The following HYDIN variants were observed in gnomAD, a reference collection of about 807,000 sequenced individuals.
HYDIN encodes HYDIN axonemal central pair apparatus protein, also known as axonemal central pair apparatus protein HYDIN.
In HYDIN, 132 loss-of-function variants were observed where a neutral mutation model predicts 403.9. The observed-to-expected ratio is 0.33, with a 90% CI of 0.28 to 0.38. The LOEUF (loss-of-function observed/expected upper bound fraction) is 0.38, where lower values mean the gene tolerates loss of function less well. Among genes scored for constraint, HYDIN ranks in the 10% least tolerant of loss-of-function variants. HYDIN has a pLI of 1.00. For missense variants in HYDIN, 2,827 were observed against 5,009.5 expected, an observed-to-expected ratio of 0.56 and a Z score of 13.15; for synonymous variants, 1,202 against 1,891.7, an observed-to-expected ratio of 0.64 and a Z score of 9.46.
intron 64 of HYDIN, among the ~76,000 whole-genome samples, chr16:70,872,941 C>T (rs2040230471): frequency 7.9e-6 from 1 of 125,826 alleles, no homozygotes; most frequent in African/African-American, 3.2e-5. Flanking sequence ...TACCCACTCA[C>T]CTATCTACCC....
At position 70,992,229 on chromosome 16, in the gene HYDIN, G is replaced by A. The variant is rs1237307916; in HGVS notation, c.3645-19C>T. 3 of 1,527,762 alleles carry A rather than the reference G, an allele frequency of 2.0e-6. No homozygotes were observed. Among genetic ancestry groups the A allele is most frequent in the Non-Finnish European group, 2.6e-6 (3 of 1,139,474 alleles). The allele number at this position is 1,527,762 out of a possible 1,614,324, so 94.6% of individuals were successfully genotyped here. On this transcript the variant is annotated intron_variant, in intron 23 of 85. Transcript: ENST00000393567. Reference sequence around the variant, plus strand: ...CACAAACCTACCAAAGCATGGGACAGGGAATAGGGGGAGACAGGAGACATC... The same window carrying A: ...CACAAACCTACCAAAGCATGGGACAAGGAATAGGGGGAGACAGGAGACATC...
At chr16:71,008,480 C>T (rs2144092935) in intron 23 of HYDIN, among the ~76,000 whole-genome samples, 1 of 152,294 alleles carries the variant, frequency 6.6e-6, no homozygotes, top group South Asian at 2.1e-4. Flanking sequence ...AAGATTACGG[C>T]AGCTTCCTTT....
intron 1 of HYDIN, among the ~76,000 whole-genome samples, chr16:71,211,044 C>A (rs539511004): frequency 6.6e-6 from 1 of 152,140 alleles, no homozygotes; most frequent in Non-Finnish European, 1.5e-5. Context: ...AGATAGAAGT[C>A]AATGATCAGA....
In HYDIN at chr16:70,832,899, A is replaced by C. The variant is rs773953281; in HGVS notation, c.13848T>G (p.Pro4616=). Residue 4616 remains proline, a synonymous_variant, in exon 80 of 86, where the codon CCT becomes CCG. Transcript: ENST00000393567. Reference sequence around the variant, plus strand: ...AGACTCCAGACAGGGTTAGACTCAGAGGACTGCCTCCCTGGATGTAGCAGA... The same window carrying C: ...AGACTCCAGACAGGGTTAGACTCAGCGGACTGCCTCCCTGGATGTAGCAGA... ...NILCYIQGGS[P]LSLTLSGVCV... is the part of the protein sequence containing the mutation. 8 of 1,613,990 alleles carry C rather than the reference A, an allele frequency of 5.0e-6. No individual in the cohort carries two copies. The East Asian group carries it at 1.3e-4, about 27-fold the overall frequency.
intron 1 of HYDIN, among the ~76,000 whole-genome samples, chr16:71,210,371 A>T (rs956175396): frequency 1.3e-5 from 2 of 152,226 alleles, no homozygotes; most frequent in African/African-American, 4.8e-5. Context: ...ACATGGATGG[A>T]ACGTTAGACC....
In HYDIN at chr16:71,148,734, C is replaced by T. The variant is rs937756303; in HGVS notation, c.841+3925G>A. 2.7e-5 allele frequency among the ~76,000 whole-genome samples: 4 copies of T among 146,486 alleles called. 1 individual carries two copies. Among genetic ancestry groups the T allele is most frequent in the African/African-American group, 1.1e-4 (4 of 36,346 alleles). On this transcript the variant is annotated intron_variant, in intron 7 of 85. Coordinates refer to ENST00000393567, the MANE Select transcript of HYDIN (RefSeq NM_001270974.2). The stretch of plus-strand genomic sequence containing the variant: ...ATTCACAATAATTATTTCTGGAAGA[C>T]TTATATAAAGAATATATATATATAT...
chr16:71,049,814 G>C (rs1395964340), intron 18 of HYDIN, among the ~76,000 whole-genome samples: 5 of 145,756 alleles, frequency 3.4e-5, no homozygotes, highest in Non-Finnish European at 6.0e-5. Context: ...GAAAAATATA[G>C]TCATTAAAAT....
intron 1 of HYDIN, among the ~76,000 whole-genome samples, chr16:71,195,804 T>G (rs955095996): frequency 1.3e-5 from 2 of 152,114 alleles, no homozygotes; most frequent in Non-Finnish European, 2.9e-5. Flanking sequence ...ATTTGACCCA[T>G]GTTAAAGAAA....
intron 45 of HYDIN, among the ~76,000 whole-genome samples, chr16:70,922,491 C>T (rs926468409): frequency 2.0e-5 from 3 of 152,140 alleles, no homozygotes; most frequent in Non-Finnish European, 4.4e-5. Context: ...TTACAGAAAC[C>T]AGTCACCGAT....
chr16:71,190,997 G>A (rs1453453756), intron 1 of HYDIN, among the ~76,000 whole-genome samples: 1 of 152,042 alleles, frequency 6.6e-6, no homozygotes, highest in African/African-American at 2.4e-5. Context: ...AGGGTGAGAA[G>A]GAGAAAAGAA....
chr16:71,126,352 C>T (rs1204820884), intron 9 of HYDIN, among the ~76,000 whole-genome samples: 1 of 152,134 alleles, frequency 6.6e-6, no homozygotes, highest in Non-Finnish European at 1.5e-5. Context: ...AGAGGACTAT[C>T]CAGGGCTCAA....
rs376262243 is a variant in HYDIN, at chr16:70,951,248, C to CAGAGAGAGAGAG, written c.6531+1161_6531+1172dup. Among the ~76,000 whole-genome samples, 43 of 130,362 alleles carry CAGAGAGAGAGAG rather than the reference C, an allele frequency of 3.3e-4. 1 individual carries two copies. Among genetic ancestry groups the CAGAGAGAGAGAG allele is most frequent in the Middle Eastern group, 8.1e-3 (2 of 248 alleles). The allele number at this position is 130,362 out of a possible 152,430, so 85.5% of individuals were successfully genotyped here. ...AGACCCTGACTCTAGGGAAAAGGGA[C>CAGAGAGAGAGAG]AGAGAGAGAGAGAGAGAGAGAGAGA... On this transcript the variant is annotated intron_variant, in intron 41 of 85. Coordinates refer to ENST00000393567, the MANE Select transcript of HYDIN (RefSeq NM_001270974.2).
At chr16:71,009,739 G>C (rs2080014902) in intron 23 of HYDIN, among the ~76,000 whole-genome samples, 1 of 126,250 alleles carries the variant, frequency 7.9e-6, no homozygotes, top group East Asian at 2.5e-4. Context: ...TTCTTCCAGA[G>C]AGGGGAGAAG....
At chr16:71,228,132 C>T (rs2041121610) in intron 1 of HYDIN, among the ~76,000 whole-genome samples, 1 of 152,048 alleles carries the variant, frequency 6.6e-6, no homozygotes. Context: ...AACTGGATCC[C>T]TTCCTTACAC....
chr16:70,870,515 G>A (rs1044749807), intron 65 of HYDIN, among the ~76,000 whole-genome samples: 4 of 149,702 alleles, frequency 2.7e-5, no homozygotes, highest in African/African-American at 9.7e-5. Context: ...TGTGGCTCAG[G>A]ACATGGCTGC....
chr16:71,225,814 T>C (rs960718198), intron 1 of HYDIN, among the ~76,000 whole-genome samples: 1 of 152,144 alleles, frequency 6.6e-6, no homozygotes, highest in East Asian at 1.9e-4. Flanking sequence ...AACAGTATCA[T>C]ATACAATAGC....
intron 22 of HYDIN, 41 bp downstream of exon 22, chr16:71,020,133 C>T (rs1365640637): frequency 1.9e-6 from 3 of 1,603,402 alleles, no homozygotes; most frequent in Non-Finnish European, 2.6e-6. Flanking sequence ...CACCCCGCCC[C>T]ACCCCAGACA....
At chr16:70,880,606 C>T (rs2143683531) in intron 60 of HYDIN, among the ~76,000 whole-genome samples, 1 of 152,280 alleles carries the variant, frequency 6.6e-6, no homozygotes, top group Non-Finnish European at 1.5e-5. Context: ...TGCAGTAAGC[C>T]TTGCTTTGTC....
intron 5 of HYDIN, 119 bp downstream of exon 5, chr16:71,175,488 C>T: frequency 2.8e-6 from 3 of 1,064,030 alleles, no homozygotes; most frequent in Non-Finnish European, 4.1e-6. Context: ...ACCAAGACCA[C>T]CATCAATACC....
Sources: gnomAD v4.1 joint callset for allele counts (sites outside exome capture counted in the v4.1 genomes callset) on GRCh38, gnomAD v4.1.1 for gene constraint, MANE v1.5 for transcripts, NCBI Gene and HGNC (gene_info 2026-07-23, HGNC 2026-07-21) for gene names.